The following ADAMTSL1 variants were observed in gnomAD, a reference collection of about 807,000 sequenced individuals.
ADAMTSL1 encodes the protein ADAMTS-like protein 1.
Under a neutral mutation model 201.8 loss-of-function variants are expected in ADAMTSL1, and 126 were observed. The ratio of observed to expected loss-of-function variants is 0.62; its 90% CI spans 0.54 to 0.72. The LOEUF (loss-of-function observed/expected upper bound fraction) is 0.72, where lower values mean the gene tolerates loss of function less well. Ranked by LOEUF, ADAMTSL1 falls within the 30% of genes least tolerant of loss-of-function variation. The pLI is 0.00. For synonymous variants in ADAMTSL1, 1,121 were observed against 903.4 expected, an observed-to-expected ratio of 1.24 and a Z score of -4.32; for missense variants, 2,679 against 2,277.8, an observed-to-expected ratio of 1.18 and a Z score of -3.59.
intron 2 of ADAMTSL1, among the ~76,000 whole-genome samples, chr9:18,202,819 G>A (rs991020388): frequency 3.9e-5 from 6 of 152,070 alleles, no homozygotes; most frequent in Non-Finnish European, 7.4e-5. Context: ...CACAACCTTA[G>A]GTTGAGTGGG....
chr9:17,991,209 C>A (rs564656037), intron 1 of ADAMTSL1, among the ~76,000 whole-genome samples: 1 of 152,160 alleles, frequency 6.6e-6, no homozygotes, highest in South Asian at 2.1e-4. Context: ...AAATTGAATT[C>A]CAGAGAAGGA....
At chr9:18,649,207 C>T (rs143846337) in intron 7 of ADAMTSL1, among the ~76,000 whole-genome samples, 169 of 152,322 alleles carry the variant, frequency 1.1e-3, no homozygotes, top group African/African-American at 3.9e-3. Flanking sequence ...GCATTCTCCA[C>T]GTAGTTCTCG....
chr9:18,825,372 AT>A (rs1220520847), intron 21 of ADAMTSL1, among the ~76,000 whole-genome samples: 1 of 152,154 alleles, frequency 6.6e-6, no homozygotes, highest in African/African-American at 2.4e-5. Flanking sequence ...ATAAACTTGG[AT>A]TGTGGAAAGA....
intron 2 of ADAMTSL1, among the ~76,000 whole-genome samples, chr9:18,198,130 C>T (rs551372684): frequency 5.3e-5 from 8 of 152,206 alleles, no homozygotes; most frequent in South Asian, 4.2e-4. Flanking sequence ...AAGGCTTAAA[C>T]GTTAGACCTA....
At chr9:18,032,053 G>A (rs184861889) in intron 1 of ADAMTSL1, among the ~76,000 whole-genome samples, 19 of 152,236 alleles carry the variant, frequency 1.2e-4, no homozygotes, top group Admixed American at 2.6e-4. Flanking sequence ...GAGCAGGCCC[G>A]CCCAGCTAGA....
At chr9:18,184,954 A>G (rs532582471) in intron 2 of ADAMTSL1, among the ~76,000 whole-genome samples, 105 of 152,142 alleles carry the variant, frequency 6.9e-4, no homozygotes, top group Non-Finnish European at 1.3e-3. Context: ...ATTTCATACT[A>G]AGCAGGTTGA....
chr9:18,475,583 C>T, intron 1 of ADAMTSL1, among the ~76,000 whole-genome samples: 1 of 152,076 alleles, frequency 6.6e-6, no homozygotes, highest in East Asian at 1.9e-4. Context: ...ACATTTCAAG[C>T]ATGAATGAAC....
intron 2 of ADAMTSL1, among the ~76,000 whole-genome samples, chr9:18,203,792 A>T (rs972241873): frequency 3.9e-5 from 6 of 152,120 alleles, no homozygotes; most frequent in Non-Finnish European, 7.3e-5. Flanking sequence ...GGTTAGTGCA[A>T]GTATGGCTCC....
At chr9:18,189,469 TATATC>T (rs1828880050) in intron 2 of ADAMTSL1, among the ~76,000 whole-genome samples, 1 of 152,164 alleles carries the variant, frequency 6.6e-6, no homozygotes, top group Admixed American at 6.6e-5. Context: ...TACAAATTCT[TATATC>T]AGGCCAGTTC....
chr9:18,710,279 T>A (rs1587950935), intron 14 of ADAMTSL1, among the ~76,000 whole-genome samples: 1 of 152,190 alleles, frequency 6.6e-6, no homozygotes, highest in Non-Finnish European at 1.5e-5. Context: ...TACAAAAATG[T>A]ATTGAGTGTT....
chr9:17,972,972 G>A (rs2131433703), intron 1 of ADAMTSL1, among the ~76,000 whole-genome samples: 1 of 150,074 alleles, frequency 6.7e-6, no homozygotes, highest in Admixed American at 6.7e-5. Context: ...CTTTTGAGAA[G>A]TGTGTATTCA....
intron 1 of ADAMTSL1, among the ~76,000 whole-genome samples, chr9:18,051,310 A>T (rs1455783994): frequency 6.6e-6 from 1 of 152,142 alleles, no homozygotes; most frequent in Non-Finnish European, 1.5e-5. Flanking sequence ...CAAAAAAAAA[A>T]TTATATATAT....
chr9:17,914,313 C>G (rs543225508), intron 1 of ADAMTSL1, among the ~76,000 whole-genome samples: 1 of 152,220 alleles, frequency 6.6e-6, no homozygotes, highest in East Asian at 1.9e-4. Context: ...CATCAAAAAG[C>G]TTATCCACCA....
intron 16 of ADAMTSL1, among the ~76,000 whole-genome samples, chr9:18,760,898 A>G (rs1014593469): frequency 1.3e-5 from 2 of 152,212 alleles, no homozygotes; most frequent in African/African-American, 4.8e-5. Flanking sequence ...TTTCCCAGAG[A>G]GATTTAATTG....
intron 19 of ADAMTSL1, among the ~76,000 whole-genome samples, chr9:18,778,838 G>A (rs928426108): frequency 1.3e-5 from 2 of 152,210 alleles, no homozygotes; most frequent in African/African-American, 4.8e-5. Context: ...GCAACAAAAA[G>A]AACTTCCTTA....
At chr9:18,280,072 G>A (rs531916593) in intron 2 of ADAMTSL1, among the ~76,000 whole-genome samples, 4 of 152,142 alleles carry the variant, frequency 2.6e-5, no homozygotes, top group African/African-American at 7.2e-5. Flanking sequence ...TTGAACCCTA[G>A]TTTTTTTGAA....
At chr9:18,881,177 A>G (rs1436714938) in intron 23 of ADAMTSL1, among the ~76,000 whole-genome samples, 5 of 152,164 alleles carry the variant, frequency 3.3e-5, no homozygotes, top group Non-Finnish European at 7.4e-5. Context: ...TTTACTTCTT[A>G]TCAATTTTTT....
In ADAMTSL1 at chr9:18,230,536, C is replaced by T. The variant is rs554373375; in HGVS notation, c.207+66555C>T. Reference sequence around the variant, plus strand: ...AATGAAGACAAATGAGACCCTGGCACGTAATGGCTGCCTAATAAATAAATT... The same window carrying T: ...AATGAAGACAAATGAGACCCTGGCATGTAATGGCTGCCTAATAAATAAATT... On this transcript the variant is annotated intron_variant, in intron 2 of 29. Coordinates refer to the ADAMTSL1 transcript ENST00000680146. Among the ~76,000 whole-genome samples the T allele has an allele frequency of 7.2e-5, 11 of 152,170 alleles. No homozygotes were observed. The East Asian group carries it at 1.4e-3, about 19-fold the overall frequency.
At chr9:18,874,217 A>G (rs923865288) in intron 23 of ADAMTSL1, among the ~76,000 whole-genome samples, 2 of 152,150 alleles carry the variant, frequency 1.3e-5, no homozygotes, top group African/African-American at 4.8e-5. Context: ...CTTTCTAGGT[A>G]TATGATTATA....
Sources: gnomAD v4.1 joint callset for allele counts (sites outside exome capture counted in the v4.1 genomes callset) on GRCh38, gnomAD v4.1.1 for gene constraint, MANE v1.5 for transcripts, NCBI Gene and HGNC (gene_info 2026-07-23, HGNC 2026-07-21) for gene names.